The following ATP2C2 variants were observed in gnomAD, a reference collection of about 807,000 sequenced individuals.
The protein encoded by ATP2C2 is ATPase secretory pathway Ca2+ transporting 2.
A neutral mutation model predicts 110.8 loss-of-function variants in ATP2C2; 171 were observed. The ratio of observed to expected loss-of-function variants is 1.54; its 90% CI spans 1.36 to 1.75. The LOEUF (loss-of-function observed/expected upper bound fraction) is 1.75, where lower values mean the gene tolerates loss of function less well. Ranked by LOEUF, ATP2C2 falls within the 40% of genes most tolerant of loss-of-function variation. The probability of loss-of-function intolerance (pLI) is 0.00; values close to 1 mark genes in which losing one functional copy is unlikely to be tolerated. For missense variants in ATP2C2, 1,963 were observed against 1,235.0 expected, an observed-to-expected ratio of 1.59 and a Z score of -8.84; for synonymous variants, 804 against 508.4, an observed-to-expected ratio of 1.58 and a Z score of -7.82.
intron 10 of ATP2C2, among the ~76,000 whole-genome samples, chr16:84,424,118 A>G (rs956898106): frequency 2.6e-5 from 4 of 152,264 alleles, no homozygotes; most frequent in African/African-American, 4.8e-5. Flanking sequence ...GCCACTGCCT[A>G]TAGCACATCT....
chr16:84,447,160 C>G lies in ATP2C2; in HGVS notation c.1503+730C>G, dbSNP rs1370854599. ...TCCACCCCTCCTCTTCCCTCCCACTCTTTCTAGAATCTATCATGTCTGCCC... is the reference window on the plus strand; with the variant it reads ...TCCACCCCTCCTCTTCCCTCCCACTGTTTCTAGAATCTATCATGTCTGCCC... On this transcript the variant is annotated intron_variant, in intron 16 of 26. Transcript: ENST00000262429. Among the ~76,000 whole-genome samples the G allele has an allele frequency of 2.0e-5, 3 of 152,328 alleles. No individual in the cohort carries two copies. In the East Asian group the frequency reaches 5.8e-4, roughly 29 times the overall value.
rs202115904 is a variant in ATP2C2, at chr16:84,452,100, G to C, written c.1831+9G>C. 1.2e-6 allele frequency: 2 copies of C among 1,613,976 alleles called. No homozygotes were observed. The highest frequency in any genetic ancestry group is 1.7e-6 in the Non-Finnish European group (2 of 1,179,984). On this transcript the variant is annotated intron_variant, in intron 18 of 26. Transcript: ENST00000262429. ...GACGGCCTTGGCCATAGGTAACTGG[G>C]ACAGGGTCGGGGGTGAGGACGAAAG...
chr16:84,425,969 G>C, intron 11 of ATP2C2, 168 bp downstream of exon 11: 1 of 732,442 alleles, frequency 1.4e-6, no homozygotes, highest in East Asian at 2.5e-5. Flanking sequence ...GACAGGTACA[G>C]AGTGCCCGGC....
At chr16:84,397,400 G>C (rs983412766) in intron 1 of ATP2C2, among the ~76,000 whole-genome samples, 3 of 151,540 alleles carry the variant, frequency 2.0e-5, no homozygotes, top group Non-Finnish European at 4.4e-5. Flanking sequence ...GGAAGTTCGA[G>C]GTTCAGGATT....
intron 1 of ATP2C2, among the ~76,000 whole-genome samples, chr16:84,378,281 A>C (rs1402285778): frequency 6.6e-6 from 1 of 151,958 alleles, no homozygotes; most frequent in Non-Finnish European, 1.5e-5. Context: ...CTGAGTGGCC[A>C]CTCTTAACCA....
chr16:84,430,917 C>T (rs1908219888), intron 11 of ATP2C2, among the ~76,000 whole-genome samples: 2 of 152,230 alleles, frequency 1.3e-5, no homozygotes, highest in East Asian at 1.9e-4. Flanking sequence ...CCCCCCACCT[C>T]AGCAGGATGG....
At chr16:84,397,673 A>AAAAAAAAAAAAAAAAAAAAATG (rs1905079752) in intron 1 of ATP2C2, among the ~76,000 whole-genome samples, 1 of 140,404 alleles carries the variant, frequency 7.1e-6, no homozygotes, top group Non-Finnish European at 1.5e-5. Context: ...AAAAAAAAAA[A>AAAAAAAAAAAAAAAAAAAAATG]CTTGCTTAAA....
intron 15 of ATP2C2, among the ~76,000 whole-genome samples, chr16:84,445,347 T>G (rs373996723): frequency 6.6e-6 from 1 of 152,078 alleles, no homozygotes; most frequent in African/African-American, 2.4e-5. Context: ...TAGCTGGGAC[T>G]ACAGGCGCCT....
chr16:84,385,418 T>C (rs1567687202), intron 1 of ATP2C2, among the ~76,000 whole-genome samples: 1 of 152,154 alleles, frequency 6.6e-6, no homozygotes, highest in Non-Finnish European at 1.5e-5. Flanking sequence ...GAATTGGACA[T>C]GAGATTTGGG....
In ATP2C2 at chr16:84,408,100, C is replaced by A. The variant is rs551173223; in HGVS notation, c.328-305C>A. Among the ~76,000 whole-genome samples the A allele has an allele frequency of 6.4e-4, 97 of 152,304 alleles. 1 individual carries two copies. Among genetic ancestry groups the A allele is most frequent in the African/African-American group, 2.2e-3 (91 of 41,562 alleles). ...GTCCTGAGCCAGGACTGGCATCTTG[C>A]CGAAAGTCCCGGCCTGGAGCGTCAT... On this transcript the variant is annotated intron_variant, in intron 3 of 26. Coordinates refer to ENST00000262429, the MANE Select transcript of ATP2C2 (RefSeq NM_014861.4).
At chr16:84,379,922 G>A (rs1910478344) in intron 1 of ATP2C2, among the ~76,000 whole-genome samples, 1 of 152,184 alleles carries the variant, frequency 6.6e-6, no homozygotes, top group African/African-American at 2.4e-5. Context: ...GTGGGGGATG[G>A]GTGGGAATGC....
At chr16:84,393,205 A>G (rs1417399050) in intron 1 of ATP2C2, among the ~76,000 whole-genome samples, 2 of 152,212 alleles carry the variant, frequency 1.3e-5, no homozygotes, top group Non-Finnish European at 2.9e-5. Flanking sequence ...CAAAGGATAC[A>G]TTAAGTGCCA....
In ATP2C2 at chr16:84,459,066, G is replaced by C. The variant is rs930623285; in HGVS notation, c.2148-54G>C. 12 of 1,593,688 alleles carry C rather than the reference G, an allele frequency of 7.5e-6. No individual in the cohort carries two copies. In the Admixed American group the frequency reaches 1.7e-4, roughly 22 times the overall value. ...GCCCCTTGCAGCAACCGATGCACTG[G>C]TCCAGCCCTCACGCAGGCCCGCTCC... On this transcript the variant is annotated intron_variant, in intron 21 of 26. Transcript: ENST00000262429.
chr16:84,403,026 T>C (rs1213145510), intron 2 of ATP2C2, among the ~76,000 whole-genome samples: 4 of 152,208 alleles, frequency 2.6e-5, no homozygotes, highest in East Asian at 1.9e-4. Context: ...TCTGTGTGTC[T>C]AGGAATTTAT....
chr16:84,461,962 T>A lies in ATP2C2; in HGVS notation c.2581-26T>A, dbSNP rs572826566. On this transcript the variant is annotated intron_variant, in intron 25 of 26. Transcript: ENST00000262429. ...TACCTGGGGTGTGGACAGCACACAA[T>A]CCCCCGTGTGACCTTCTCCCTGCAG... 4 of 1,610,960 alleles carry A rather than the reference T, an allele frequency of 2.5e-6. No homozygotes were observed. The South Asian group carries it at 4.4e-5, about 18-fold the overall frequency.
intron 1 of ATP2C2, among the ~76,000 whole-genome samples, chr16:84,378,705 G>A (rs11865852): frequency 0.041 from 6,222 of 152,288 alleles, 420 homozygotes; most frequent in African/African-American, 0.14. Context: ...GGTGGGGGCA[G>A]GGCCGACTAC....
chr16:84,398,705 GTTA>G (rs1392725036), intron 2 of ATP2C2, 96 bp downstream of exon 2: 1 of 947,474 alleles, frequency 1.1e-6, no homozygotes. Context: ...GAAATTCTGT[GTTA>G]TTATCAATTT....
intron 6 of ATP2C2, among the ~76,000 whole-genome samples, chr16:84,413,638 G>A (rs1442596298): frequency 6.6e-6 from 1 of 152,170 alleles, no homozygotes; most frequent in Non-Finnish European, 1.5e-5. Flanking sequence ...CATTATTGAT[G>A]TCTCCCGGGA....
intron 11 of ATP2C2, among the ~76,000 whole-genome samples, chr16:84,430,264 C>T (rs1200045915): frequency 1.3e-5 from 2 of 152,136 alleles, no homozygotes; most frequent in South Asian, 2.1e-4. Context: ...GAGATGAGGA[C>T]AAGGAGGCCT....
Sources: allele counts gnomAD v4.1 joint callset (sites outside exome capture counted in the v4.1 genomes callset), GRCh38; gene constraint gnomAD v4.1.1; transcripts MANE v1.5; gene names NCBI Gene and HGNC (gene_info 2026-07-23, HGNC 2026-07-21).